The following PTPRD variants were observed in gnomAD, a reference collection of about 807,000 sequenced individuals.
The protein encoded by PTPRD is receptor-type tyrosine-protein phosphatase delta.
A neutral mutation model predicts 214.5 loss-of-function variants in PTPRD; 34 were observed. The observed-to-expected ratio is 0.16, with a 90% confidence interval of 0.12 to 0.21. The LOEUF (loss-of-function observed/expected upper bound fraction) is 0.21. Among genes scored for constraint, PTPRD ranks in the 10% least tolerant of loss-of-function variants. The pLI is 1.00. For missense variants in PTPRD, 2,545 were observed against 2,398.7 expected (o/e 1.06, Z -1.27); for synonymous variants, 1,128 against 845.7 (o/e 1.33, Z -5.79).
At chr9:8,763,630 C>T (rs2094537131) in intron 11 of PTPRD, among the ~76,000 whole-genome samples, 1 of 149,104 alleles carries the variant, frequency 6.7e-6, no homozygotes, top group East Asian at 2.0e-4. Context: ...TTTTGAAAAA[C>T]AGGAAAGAAA....
chr9:9,447,521 GAAGT>G (rs1336956579), intron 8 of PTPRD, among the ~76,000 whole-genome samples: 1 of 152,072 alleles, frequency 6.6e-6, no homozygotes, highest in East Asian at 1.9e-4. Flanking sequence ...TGGAGGGTAG[GAAGT>G]AAGAGGGAGG....
At chr9:9,992,142 G>A (rs1278234420) in intron 4 of PTPRD, among the ~76,000 whole-genome samples, 1 of 152,122 alleles carries the variant, frequency 6.6e-6, no homozygotes, top group African/African-American at 2.4e-5. Context: ...TTCTTTCTTG[G>A]AGTGATATTC....
At chr9:9,676,545 G>A (rs1238314638) in intron 7 of PTPRD, among the ~76,000 whole-genome samples, 1 of 151,932 alleles carries the variant, frequency 6.6e-6, no homozygotes, top group Non-Finnish European at 1.5e-5. Context: ...ATTTGGCTTG[G>A]TTCCAAGTCT....
At chr9:10,124,275 C>A (rs2098798706) in intron 3 of PTPRD, among the ~76,000 whole-genome samples, 1 of 152,140 alleles carries the variant, frequency 6.6e-6, no homozygotes, top group Non-Finnish European at 1.5e-5. Flanking sequence ...AGAATTAGTT[C>A]ATATACATTT....
intron 3 of PTPRD, among the ~76,000 whole-genome samples, chr9:10,066,748 A>C (rs1192561589): frequency 6.6e-6 from 1 of 151,872 alleles, no homozygotes; most frequent in Non-Finnish European, 1.5e-5. Context: ...ACTTTCACTA[A>C]ACAAAAGCAT....
chr9:8,676,565 CTTTTTTTG>C (rs998817794), intron 12 of PTPRD, among the ~76,000 whole-genome samples: 8 of 151,014 alleles, frequency 5.3e-5, no homozygotes, highest in Admixed American at 4.0e-4. Context: ...GTGTGGGTTT[CTTTTTTTG>C]TTTTGATTGT....
intron 7 of PTPRD, among the ~76,000 whole-genome samples, chr9:9,600,288 A>C (rs1022008355): frequency 2.0e-5 from 3 of 152,118 alleles, no homozygotes; most frequent in Non-Finnish European, 2.9e-5. Context: ...TAACAGGTTT[A>C]AGTAAAAAAT....
intron 39 of PTPRD, among the ~76,000 whole-genome samples, chr9:8,357,620 C>G (rs1159424867): frequency 6.6e-6 from 1 of 152,128 alleles, no homozygotes; most frequent in African/African-American, 2.4e-5. Flanking sequence ...TAGTAAGGAA[C>G]CCACTCAAGG....
intron 7 of PTPRD, among the ~76,000 whole-genome samples, chr9:9,702,300 A>G (rs1050285332): frequency 1.3e-5 from 2 of 152,212 alleles, no homozygotes; most frequent in African/African-American, 4.8e-5. Flanking sequence ...GTTTACAATT[A>G]GAGAATTGGT....
chr9:10,383,881 G>A (rs760095458), intron 2 of PTPRD, among the ~76,000 whole-genome samples: 16 of 151,700 alleles, frequency 1.1e-4, no homozygotes, highest in South Asian at 2.1e-4. Context: ...TGATTACAGC[G>A]TAAGCAAAAG....
chr9:9,633,199 G>C (rs890476506), intron 7 of PTPRD, among the ~76,000 whole-genome samples: 9 of 152,102 alleles, frequency 5.9e-5, no homozygotes, highest in African/African-American at 1.9e-4. Flanking sequence ...GGAGGCTGAA[G>C]CAAGAGAATC....
At chr9:8,864,032 G>A (rs1029296593) in intron 11 of PTPRD, among the ~76,000 whole-genome samples, 2 of 152,100 alleles carry the variant, frequency 1.3e-5, no homozygotes, top group African/African-American at 2.4e-5. Flanking sequence ...ACTCTACAGA[G>A]ACCAAAAACT....
At chr9:8,460,682 G>GA in intron 32 of PTPRD, 111 bp from the exon 33 acceptor site, 1 of 1,070,480 alleles carries the variant, frequency 9.3e-7, no homozygotes, top group Non-Finnish European at 1.3e-6. Flanking sequence ...AATGATAAGT[G>GA]TGTGATGCAA....
chr9:10,269,471 T>C (rs60221802), intron 3 of PTPRD, among the ~76,000 whole-genome samples: 12,214 of 152,132 alleles, frequency 0.08, 783 homozygotes, highest in African/African-American at 0.17. Context: ...GTTCTGAGGG[T>C]TGCTTTCATC....
At chr9:8,670,050 A>C (rs2097252306) in intron 12 of PTPRD, among the ~76,000 whole-genome samples, 1 of 151,862 alleles carries the variant, frequency 6.6e-6, no homozygotes, top group Non-Finnish European at 1.5e-5. Context: ...CAAGTAAGAC[A>C]AGTGAGTAAA....
At chr9:9,854,207 T>C (rs376991559) in intron 5 of PTPRD, among the ~76,000 whole-genome samples, 2 of 152,196 alleles carry the variant, frequency 1.3e-5, no homozygotes, top group African/African-American at 2.4e-5. Flanking sequence ...TTTTGTGCAA[T>C]CTTTTTAAGG....
At chr9:9,202,351 T>C (rs1269972651) in intron 9 of PTPRD, among the ~76,000 whole-genome samples, 1 of 152,226 alleles carries the variant, frequency 6.6e-6, no homozygotes, top group East Asian at 1.9e-4. Flanking sequence ...TATCCTGATA[T>C]GTTTATGACA....
At chr9:9,369,769 T>C (rs2058932758) in intron 9 of PTPRD, among the ~76,000 whole-genome samples, 1 of 152,182 alleles carries the variant, frequency 6.6e-6, no homozygotes, top group South Asian at 2.1e-4. Context: ...CTTTAATCCA[T>C]CTTGAATTAA....
intron 7 of PTPRD, among the ~76,000 whole-genome samples, chr9:9,614,679 A>G (rs2094744506): frequency 6.6e-6 from 1 of 152,216 alleles, no homozygotes; most frequent in Admixed American, 6.5e-5. Flanking sequence ...ATGCATAGCT[A>G]TCATGATGCT....
Sources: gnomAD v4.1 joint callset for allele counts (sites outside exome capture counted in the v4.1 genomes callset) on GRCh38, gnomAD v4.1.1 for gene constraint, MANE v1.5 for transcripts, NCBI Gene and HGNC (gene_info 2026-07-23, HGNC 2026-07-21) for gene names.